SOX5: variants seen among roughly 807,000 people sequenced by gnomAD.
The protein encoded by SOX5 is SRY-box transcription factor 5, also known as transcription factor SOX-5.
SOX5 carries 9 observed loss-of-function variants against 92.0 expected under a neutral mutation model. The observed-to-expected ratio is 0.10, with a 90% CI of 0.06 to 0.17. SOX5 has a LOEUF of 0.17. Among genes scored for constraint, SOX5 ranks in the 10% least tolerant of loss-of-function variants. The probability of loss-of-function intolerance (pLI) is 1.00; values close to 1 mark genes in which losing one functional copy is unlikely to be tolerated. For missense variants in SOX5, 642 were observed against 944.5 expected, an observed-to-expected ratio of 0.68 and a Z score of 4.20; for synonymous variants, 344 against 336.3, an observed-to-expected ratio of 1.02 and a Z score of -0.25.
intron 4 of SOX5, among the ~76,000 whole-genome samples, chr12:24,016,348 A>C (rs1953598400): frequency 6.6e-6 from 1 of 152,222 alleles, no homozygotes; most frequent in African/African-American, 2.4e-5. Flanking sequence ...CACAAAAAGT[A>C]AGTCCACATT....
chr12:23,766,858 TGAA>T (rs1280450416), intron 3 of SOX5, among the ~76,000 whole-genome samples: 1 of 151,834 alleles, frequency 6.6e-6, no homozygotes, highest in Non-Finnish European at 1.5e-5. Flanking sequence ...TCGGGGAAAA[TGAA>T]GAAAATTATT....
chr12:23,860,929 T>G (rs1193422769), intron 2 of SOX5, among the ~76,000 whole-genome samples: 1 of 134,636 alleles, frequency 7.4e-6, no homozygotes, highest in East Asian at 2.2e-4. Context: ...ATAACTAGAT[T>G]TTGAAACACA....
intron 1 of SOX5, among the ~76,000 whole-genome samples, chr12:24,499,122 T>C (rs76461923): frequency 0.019 from 2,910 of 152,310 alleles, 34 homozygotes; most frequent in Admixed American, 0.033. Context: ...TGCATCGCCA[T>C]CAGAAATTAA....
intron 9 of SOX5, among the ~76,000 whole-genome samples, chr12:23,579,152 T>C (rs1949693230): frequency 6.6e-6 from 1 of 152,082 alleles, no homozygotes; most frequent in African/African-American, 2.4e-5. Context: ...CTAATAACTA[T>C]TACATGCCCA....
intron 4 of SOX5, among the ~76,000 whole-genome samples, chr12:24,178,817 C>G (rs1178027764): frequency 6.6e-6 from 1 of 152,144 alleles, no homozygotes; most frequent in South Asian, 2.1e-4. Context: ...AGACAGAGAT[C>G]AAGCAATAGT....
chr12:24,297,473 G>A (rs1359065925), intron 2 of SOX5, among the ~76,000 whole-genome samples: 1 of 152,140 alleles, frequency 6.6e-6, no homozygotes, highest in Non-Finnish European at 1.5e-5. Context: ...ACTACTACAA[G>A]TGGTCCACGA....
intron 11 of SOX5, among the ~76,000 whole-genome samples, chr12:23,562,005 C>A (rs1394435994): frequency 6.6e-6 from 1 of 152,108 alleles, no homozygotes; most frequent in Non-Finnish European, 1.5e-5. Context: ...AAAGGAATTT[C>A]TGTTCAAGCA....
intron 4 of SOX5, among the ~76,000 whole-genome samples, chr12:24,182,831 A>G (rs986209831): frequency 6.6e-6 from 1 of 152,130 alleles, no homozygotes; most frequent in African/African-American, 2.4e-5. Flanking sequence ...CTCTTGCCTC[A>G]GCCTCCCGAA....
chr12:24,377,654 C>T (rs1358192890), intron 1 of SOX5, among the ~76,000 whole-genome samples: 4 of 152,186 alleles, frequency 2.6e-5, no homozygotes, highest in Non-Finnish European at 5.9e-5. Context: ...GTGCTCCTTC[C>T]ACTGTTTTCC....
At chr12:23,606,057 T>C (rs1194669433) in intron 8 of SOX5, among the ~76,000 whole-genome samples, 1 of 152,050 alleles carries the variant, frequency 6.6e-6, no homozygotes, top group Non-Finnish European at 1.5e-5. Flanking sequence ...CTTGAGAGTT[T>C]ACTATTTAAA....
chr12:23,579,859 C>T (rs531267012), intron 9 of SOX5, among the ~76,000 whole-genome samples: 1 of 152,176 alleles, frequency 6.6e-6, no homozygotes, highest in Admixed American at 6.5e-5. Context: ...TTTCTATCAA[C>T]TACACCATCA....
intron 2 of SOX5, among the ~76,000 whole-genome samples, chr12:24,292,959 G>T (rs895040416): frequency 2.6e-5 from 4 of 152,082 alleles, no homozygotes; most frequent in African/African-American, 9.7e-5. Context: ...GATTATTCCT[G>T]GGAGACATTT....
chr12:23,541,528 A>G (rs549521768), intron 13 of SOX5, among the ~76,000 whole-genome samples: 9 of 152,220 alleles, frequency 5.9e-5, no homozygotes, highest in Non-Finnish European at 1.3e-4. Flanking sequence ...CACAAAAAAT[A>G]TAGTCACAAA....
intron 2 of SOX5, among the ~76,000 whole-genome samples, chr12:24,356,021 C>T (rs1269985858): frequency 1.3e-5 from 2 of 148,690 alleles, no homozygotes; most frequent in African/African-American, 2.6e-5. Flanking sequence ...TAAAAACATT[C>T]AAAAGGATAA....
At chr12:24,010,947 A>G (rs1406667413) in intron 4 of SOX5, among the ~76,000 whole-genome samples, 1 of 152,162 alleles carries the variant, frequency 6.6e-6, no homozygotes, top group South Asian at 2.1e-4. Context: ...TCCAAAAAAA[A>G]AAAAAGAATA....
At chr12:24,317,456 T>A (rs1285050029) in intron 2 of SOX5, among the ~76,000 whole-genome samples, 1 of 152,244 alleles carries the variant, frequency 6.6e-6, no homozygotes, top group Non-Finnish European at 1.5e-5. Flanking sequence ...ACTTGAATAT[T>A]AATCTTAAGA....
intron 4 of SOX5, among the ~76,000 whole-genome samples, chr12:24,210,926 A>T (rs1324395398): frequency 6.6e-6 from 1 of 152,180 alleles, no homozygotes; most frequent in African/African-American, 2.4e-5. Flanking sequence ...CTGATCCTTA[A>T]AACATATGAA....
At chr12:23,767,732 G>T (rs1363915760) in intron 3 of SOX5, among the ~76,000 whole-genome samples, 1 of 152,034 alleles carries the variant, frequency 6.6e-6, no homozygotes, top group African/African-American at 2.4e-5. Context: ...AAAGGATAAT[G>T]AAATATGGGG....
At chr12:24,128,092 ATTG>A (rs1176220634) in intron 4 of SOX5, among the ~76,000 whole-genome samples, 1 of 152,070 alleles carries the variant, frequency 6.6e-6, no homozygotes, top group Non-Finnish European at 1.5e-5. Flanking sequence ...TGGAGGGTTT[ATTG>A]TTATCTTTTG....
Sources: gnomAD v4.1 joint callset for allele counts (sites outside exome capture counted in the v4.1 genomes callset) on GRCh38, gnomAD v4.1.1 for gene constraint, MANE v1.5 for transcripts, NCBI Gene and HGNC (gene_info 2026-07-23, HGNC 2026-07-21) for gene names.